The following STX18 variants were observed in gnomAD, a reference collection of about 807,000 sequenced individuals.
The protein encoded by STX18 is syntaxin-18.
Under a neutral mutation model 50.1 loss-of-function variants are expected in STX18, and 40 were observed. The ratio of observed to expected loss-of-function variants is 0.80; its 90% CI spans 0.62 to 1.04. The LOEUF (loss-of-function observed/expected upper bound fraction) is 1.04. Among genes scored for constraint, STX18 ranks in the 50% least tolerant of loss-of-function variants. STX18 has a pLI of 0.00. For missense variants in STX18, 410 were observed against 415.8 expected, an observed-to-expected ratio of 0.99 and a Z score of 0.12; for synonymous variants, 158 against 151.8, an observed-to-expected ratio of 1.04 and a Z score of -0.30.
chr4:4,482,250 T>C (rs1160772870), intron 1 of STX18, among the ~76,000 whole-genome samples: 1 of 152,258 alleles, frequency 6.6e-6, no homozygotes, highest in Non-Finnish European at 1.5e-5. Context: ...CATAGCTTTA[T>C]TTACTGTCTA....
intron 1 of STX18, among the ~76,000 whole-genome samples, chr4:4,516,334 T>C (rs190648957): frequency 1.3e-5 from 2 of 152,346 alleles, no homozygotes; most frequent in East Asian, 3.9e-4. Flanking sequence ...TGTGATGTTT[T>C]AAGCAATTTG....
chr4:4,448,619 G>C (rs1458643056), intron 5 of STX18, among the ~76,000 whole-genome samples: 1 of 152,186 alleles, frequency 6.6e-6, no homozygotes, highest in Non-Finnish European at 1.5e-5. Context: ...TGGGATTACA[G>C]GCATGAGCCA....
At chr4:4,430,773 C>A (rs902779586) in intron 7 of STX18, among the ~76,000 whole-genome samples, 1 of 152,168 alleles carries the variant, frequency 6.6e-6, no homozygotes, top group Non-Finnish European at 1.5e-5. Context: ...TTTGCTCTGC[C>A]CTGCCCTCTG....
chr4:4,502,261 T>C (rs1364328596), intron 1 of STX18, among the ~76,000 whole-genome samples: 2 of 152,190 alleles, frequency 1.3e-5, no homozygotes, highest in Non-Finnish European at 2.9e-5. Context: ...CACCCTAACA[T>C]TGTTTTAGTA....
chr4:4,505,465 G>A (rs1456326644), intron 1 of STX18, among the ~76,000 whole-genome samples: 1 of 152,112 alleles, frequency 6.6e-6, no homozygotes, highest in Non-Finnish European at 1.5e-5. Context: ...TGCTAGCCTG[G>A]GAAAAGATCA....
chr4:4,444,230 T>A, intron 5 of STX18, among the ~76,000 whole-genome samples: 1 of 152,220 alleles, frequency 6.6e-6, no homozygotes, highest in Non-Finnish European at 1.5e-5. Context: ...TCCAGCCCAC[T>A]GCCACTGGAC....
At chr4:4,534,715 C>T (rs751313045) in intron 1 of STX18, among the ~76,000 whole-genome samples, 3 of 152,242 alleles carry the variant, frequency 2.0e-5, no homozygotes, top group East Asian at 1.9e-4. Flanking sequence ...CTGCTAACAA[C>T]GCTCTCATCT....
At chr4:4,513,609 T>G (rs966578438) in intron 1 of STX18, among the ~76,000 whole-genome samples, 2 of 152,204 alleles carry the variant, frequency 1.3e-5, no homozygotes, top group African/African-American at 4.8e-5. Context: ...TTTTCAAAAG[T>G]AGATTATTTA....
At chr4:4,429,547 T>G (rs554578955) in intron 7 of STX18, among the ~76,000 whole-genome samples, 3 of 152,176 alleles carry the variant, frequency 2.0e-5, no homozygotes, top group Non-Finnish European at 2.9e-5. Flanking sequence ...CCCTCATAGC[T>G]CAGGAGTCCC....
chr4:4,486,986 T>G (rs1728726459), intron 1 of STX18, among the ~76,000 whole-genome samples: 1 of 152,192 alleles, frequency 6.6e-6, no homozygotes, highest in Admixed American at 6.5e-5. Flanking sequence ...GCTATGAATC[T>G]GATCTCTTCT....
chr4:4,477,109 C>T (rs1253970192), intron 1 of STX18, among the ~76,000 whole-genome samples: 2 of 151,812 alleles, frequency 1.3e-5, no homozygotes, highest in Non-Finnish European at 2.9e-5. Flanking sequence ...TAGCCGGTGA[C>T]GCACATGCCT....
chr4:4,477,239 C>T (rs1304638952), intron 1 of STX18, among the ~76,000 whole-genome samples: 1 of 152,106 alleles, frequency 6.6e-6, no homozygotes, highest in African/African-American at 2.4e-5. Flanking sequence ...GAGACTCGGT[C>T]TCAAAACAAA....
At chr4:4,428,283 G>A (rs141124385) in intron 7 of STX18, among the ~76,000 whole-genome samples, 69 of 152,332 alleles carry the variant, frequency 4.5e-4, no homozygotes, top group Non-Finnish European at 7.9e-4. Flanking sequence ...AGTTTCTTTG[G>A]GGACAGATGT....
intron 5 of STX18, among the ~76,000 whole-genome samples, chr4:4,455,839 C>T (rs1049914030): frequency 6.6e-6 from 1 of 152,164 alleles, no homozygotes; most frequent in African/African-American, 2.4e-5. Flanking sequence ...GGACTTTTGT[C>T]CCACATGCCT....
At position 4,446,923 on chromosome 4, in the gene STX18, G is replaced by C. The variant is rs1296414440; in HGVS notation, c.498-8414C>G. Among the ~76,000 whole-genome samples, 7 of 152,304 alleles carry C rather than the reference G, an allele frequency of 4.6e-5. No individual in the cohort carries two copies. In the East Asian group the frequency reaches 1.3e-3, roughly 29 times the overall value. On this transcript the variant is annotated intron_variant, in intron 5 of 10. Transcript: ENST00000306200. The stretch of plus-strand genomic sequence containing the variant: ...CACCAACAGGATGGATAAGCCAGTG[G>C]GGTTACTTTCATGCAATGCAATACC...
At chr4:4,448,285 C>G (rs1395805297) in intron 5 of STX18, among the ~76,000 whole-genome samples, 1 of 152,112 alleles carries the variant, frequency 6.6e-6, no homozygotes, top group African/African-American at 2.4e-5. Flanking sequence ...TTGGAGCCAA[C>G]AAAGGGCTTA....
chr4:4,528,658 C>T (rs1350910414), intron 1 of STX18, among the ~76,000 whole-genome samples: 1 of 152,238 alleles, frequency 6.6e-6, no homozygotes. Flanking sequence ...GGCTAAACTG[C>T]ATCTTTCGGA....
intron 9 of STX18, among the ~76,000 whole-genome samples, chr4:4,422,562 C>T (rs1197887974): frequency 7.3e-6 from 1 of 136,476 alleles, no homozygotes; most frequent in Non-Finnish European, 1.5e-5. Flanking sequence ...CAGCAAGACT[C>T]TGTCTCCAAA....
At chr4:4,452,726 G>C (rs1429713140) in intron 5 of STX18, among the ~76,000 whole-genome samples, 2 of 152,172 alleles carry the variant, frequency 1.3e-5, no homozygotes, top group Admixed American at 1.3e-4. Flanking sequence ...CATTTCATAG[G>C]CTATAGCTGC....
Sources: gnomAD v4.1 joint callset for allele counts (sites outside exome capture counted in the v4.1 genomes callset) on GRCh38, gnomAD v4.1.1 for gene constraint, MANE v1.5 for transcripts, NCBI Gene and HGNC (gene_info 2026-07-23, HGNC 2026-07-21) for gene names.